YWHAQ: variants seen among roughly 807,000 people sequenced by gnomAD.
YWHAQ encodes 14-3-3 protein theta.
A neutral mutation model predicts 28.3 loss-of-function variants in YWHAQ; 6 were observed. The ratio of observed to expected loss-of-function variants is 0.21; its 90% CI spans 0.12 to 0.42. The LOEUF (loss-of-function observed/expected upper bound fraction) is 0.42. Among genes scored for constraint, YWHAQ ranks in the 10% least tolerant of loss-of-function variants. The pLI is 1.00. For missense variants in YWHAQ, 201 were observed against 305.6 expected, an observed-to-expected ratio of 0.66 and a Z score of 2.55; for synonymous variants, 143 against 119.1, an observed-to-expected ratio of 1.20 and a Z score of -1.31.
chr2:9,612,965 G>T (rs947600865), intron 2 of YWHAQ, among the ~76,000 whole-genome samples: 3 of 152,068 alleles, frequency 2.0e-5, no homozygotes, highest in Non-Finnish European at 4.4e-5. Flanking sequence ...AACATGGCTC[G>T]ATCATGTCTC....
intron 2 of YWHAQ, among the ~76,000 whole-genome samples, chr2:9,616,342 G>A (rs893081160): frequency 6.6e-6 from 1 of 151,208 alleles, no homozygotes; most frequent in Non-Finnish European, 1.5e-5. Context: ...CTAAACACAG[G>A]AGCTAAAATG....
intron 2 of YWHAQ, among the ~76,000 whole-genome samples, chr2:9,619,564 C>T (rs990855594): frequency 6.6e-6 from 1 of 151,560 alleles, no homozygotes; most frequent in Non-Finnish European, 1.5e-5. Context: ...AAAAAACATA[C>T]ACAAAAAAAC....
intron 2 of YWHAQ, among the ~76,000 whole-genome samples, chr2:9,604,631 G>A (rs1312561122): frequency 6.6e-6 from 1 of 152,138 alleles, no homozygotes; most frequent in Non-Finnish European, 1.5e-5. Context: ...CACAAACACA[G>A]TATTAAGGAG....
intron 2 of YWHAQ, among the ~76,000 whole-genome samples, chr2:9,596,624 AT>A (rs1666575462): frequency 6.6e-6 from 1 of 152,196 alleles, no homozygotes; most frequent in Admixed American, 6.5e-5. Flanking sequence ...TTATTTCTAT[AT>A]TATCAGTTAA....
intron 2 of YWHAQ, among the ~76,000 whole-genome samples, chr2:9,602,835 AAAAAAAAAAAAAAAAAAAAAAAAAAAAAT>A (rs1666721499): frequency 4.3e-5 from 1 of 23,402 alleles, no homozygotes; most frequent in African/African-American, 1.5e-4. Context: ...AATTTAAAAA[AAAAAAAAAAAAAAAAAAAAAAAAAAAAAT>A]ATATATATAT....
chr2:9,615,612 T>C (rs1322254323), intron 2 of YWHAQ, among the ~76,000 whole-genome samples: 5 of 152,114 alleles, frequency 3.3e-5, no homozygotes, highest in African/African-American at 1.2e-4. Context: ...GCAGTAATTA[T>C]TCCTTCCCCA....
At position 9,597,648 on chromosome 2, in the gene YWHAQ, A is replaced by G. The variant is rs532397686; in HGVS notation, c.295-6133T>C. 2.8e-4 allele frequency among the ~76,000 whole-genome samples: 43 copies of G among 151,002 alleles called. No homozygotes were observed. The South Asian group carries it at 4.0e-3, about 14-fold the overall frequency. ...AAACTCCGTCTCAAAAAAAAAAAAA[A>G]AAAAAGAAAAAGAAAAAAAAATTGT... On this transcript the variant is annotated intron_variant, in intron 2 of 5. Coordinates refer to ENST00000238081, the MANE Select transcript of YWHAQ (RefSeq NM_006826.4).
intron 2 of YWHAQ, among the ~76,000 whole-genome samples, chr2:9,599,779 C>T (rs1666652821): frequency 6.6e-6 from 1 of 152,174 alleles, no homozygotes; most frequent in Non-Finnish European, 1.5e-5. Flanking sequence ...TGTTTTCATG[C>T]CTGCTCACAT....
intron 2 of YWHAQ, among the ~76,000 whole-genome samples, chr2:9,606,681 C>T (rs796293043): frequency 1.3e-5 from 2 of 152,062 alleles, no homozygotes; most frequent in African/African-American, 2.4e-5. Context: ...AGGCACATGC[C>T]GCCACACTGG....
intron 3 of YWHAQ, 68 bp downstream of exon 3, chr2:9,591,324 T>A: frequency 6.4e-7 from 1 of 1,560,248 alleles, no homozygotes; most frequent in Non-Finnish European, 8.7e-7. Context: ...TATACTGTCA[T>A]AGTGTCCCAT....
At chr2:9,611,642 A>C (rs1358156665) in intron 2 of YWHAQ, among the ~76,000 whole-genome samples, 1 of 152,152 alleles carries the variant, frequency 6.6e-6, no homozygotes, top group Non-Finnish European at 1.5e-5. Flanking sequence ...ATTTTGAAAT[A>C]TGTATATCTA....
chr2:9,630,353 C>A lies in YWHAQ; in HGVS notation c.100G>T (p.Ala34Ser). ...TTGCGCTCCTCGTTGGACAGCTCGGCGCCCTGCTCGGTCACTGCCTTCATG... is the reference window on the plus strand; with the variant it reads ...TTGCGCTCCTCGTTGGACAGCTCGGAGCCCTGCTCGGTCACTGCCTTCATG... ...TCMKAVTEQG[A>S]ELSNEERNLL... Residue 34 changes from alanine to serine, a missense_variant, in exon 2 of 6, where the codon GCC (alanine) becomes TCC (serine). Ala to Ser is a moderately conservative substitution (Grantham distance 99, BLOSUM62 1). Around this residue, in one of 2 missense-constraint regions of YWHAQ, gnomAD observed 162 missense variants for 213.9 expected, o/e 0.76. Transcript: ENST00000238081. The surrounding 1 kb of genome is among the most constrained non-coding windows in gnomAD (Gnocchi z 5.6). 6.2e-7 allele frequency: 1 copy of A among 1,614,110 alleles called. No homozygotes were observed. The highest frequency in any genetic ancestry group is 1.1e-5 in the South Asian group (1 of 91,082).
chr2:9,624,022 A>T (rs1035794445), intron 2 of YWHAQ, among the ~76,000 whole-genome samples: 2 of 151,974 alleles, frequency 1.3e-5, no homozygotes, highest in Non-Finnish European at 2.9e-5. Context: ...TAATCTCAGC[A>T]CTCTGGGTGG....
intron 2 of YWHAQ, among the ~76,000 whole-genome samples, chr2:9,598,936 A>C (rs76814429): frequency 1.2e-3 from 189 of 152,372 alleles, no homozygotes; most frequent in Non-Finnish European, 1.8e-3. Flanking sequence ...GTCGAAAGCC[A>C]AGACAAGCTA....
At chr2:9,606,630 C>T (rs987652538) in intron 2 of YWHAQ, among the ~76,000 whole-genome samples, 4 of 151,790 alleles carry the variant, frequency 2.6e-5, no homozygotes, top group Non-Finnish European at 5.9e-5. Flanking sequence ...CTCAGGTTCA[C>T]GCCATTATCC....
chr2:9,586,406 T>A (rs987433729), intron 5 of YWHAQ, among the ~76,000 whole-genome samples: 1 of 152,200 alleles, frequency 6.6e-6, no homozygotes, highest in South Asian at 2.1e-4. Context: ...TAGATTATTA[T>A]GAAGATACTA....
intron 2 of YWHAQ, among the ~76,000 whole-genome samples, chr2:9,612,442 G>C (rs1666966712): frequency 6.6e-6 from 1 of 152,164 alleles, no homozygotes; most frequent in Non-Finnish European, 1.5e-5. Context: ...ATGGTAAAGA[G>C]ATATTGATCC....
chr2:9,617,743 C>T (rs78291372), intron 2 of YWHAQ, among the ~76,000 whole-genome samples: 7,332 of 151,852 alleles, frequency 0.048, 634 homozygotes, highest in African/African-American at 0.17. Flanking sequence ...TTGAGACCAG[C>T]GTGGACAACA....
intron 2 of YWHAQ, among the ~76,000 whole-genome samples, chr2:9,616,244 G>C (rs536603791): frequency 6.6e-6 from 1 of 152,108 alleles, no homozygotes; most frequent in Non-Finnish European, 1.5e-5. Context: ...AATGGTGCCA[G>C]GGCAATTGGA....
Sources: gnomAD v4.1 joint callset for allele counts (sites outside exome capture counted in the v4.1 genomes callset) on GRCh38, gnomAD v4.1.1 for gene constraint, gnomAD v4.1.1 regional missense constraint, Gnocchi (gnomAD v3.1) non-coding constraint, MANE v1.5 for transcripts, NCBI Gene and HGNC (gene_info 2026-07-23, HGNC 2026-07-21) for gene names.